The following SEPTIN14 variants were observed in gnomAD, a reference collection of about 807,000 sequenced individuals.
The protein encoded by SEPTIN14 is septin 14, also known as septin-14.
A neutral mutation model predicts 53.6 loss-of-function variants in SEPTIN14; 40 were observed. The observed-to-expected ratio is 0.75, with a 90% confidence interval of 0.58 to 0.97. The LOEUF (loss-of-function observed/expected upper bound fraction) is 0.97, where lower values mean the gene tolerates loss of function less well. Among genes scored for constraint, SEPTIN14 ranks in the 50% least tolerant of loss-of-function variants. The probability of loss-of-function intolerance (pLI) is 0.00; values close to 1 mark genes in which losing one functional copy is unlikely to be tolerated. For synonymous variants in SEPTIN14, 138 were observed against 166.8 expected, an observed-to-expected ratio of 0.83 and a Z score of 1.33; for missense variants, 471 against 508.2, an observed-to-expected ratio of 0.93 and a Z score of 0.70.
chr7:55,803,277 T>C (rs2061665844), intron 9 of SEPTIN14, among the ~76,000 whole-genome samples: 2 of 151,974 alleles, frequency 1.3e-5, no homozygotes, highest in African/African-American at 4.8e-5. Flanking sequence ...AAAAGGCAAA[T>C]AGGGATATGA....
intron 9 of SEPTIN14, chr7:55,798,488 G>T: frequency 3.4e-6 from 1 of 295,830 alleles, no homozygotes; most frequent in South Asian, 3.3e-5. Context: ...CATGTCTCCT[G>T]ACACCCAGTT....
chr7:55,831,309 G>A (rs1789106092), intron 6 of SEPTIN14, among the ~76,000 whole-genome samples: 1 of 152,234 alleles, frequency 6.6e-6, no homozygotes. Context: ...TAAAGAACCA[G>A]TAATAAAATC....
chr7:55,802,271 C>T (rs1788534374), intron 9 of SEPTIN14, among the ~76,000 whole-genome samples: 1 of 152,174 alleles, frequency 6.6e-6, no homozygotes, highest in Non-Finnish European at 1.5e-5. Flanking sequence ...TCCCAGAGTG[C>T]TGGGATTACA....
At chr7:55,830,957 G>A (rs1260028196) in intron 6 of SEPTIN14, among the ~76,000 whole-genome samples, 2 of 151,994 alleles carry the variant, frequency 1.3e-5, no homozygotes, top group Non-Finnish European at 2.9e-5. Flanking sequence ...TGGATTGGAA[G>A]AATCAACATC....
At chr7:55,833,577 A>C (rs1470734935) in intron 6 of SEPTIN14, among the ~76,000 whole-genome samples, 2 of 151,586 alleles carry the variant, frequency 1.3e-5, no homozygotes, top group East Asian at 3.9e-4. Flanking sequence ...GTGTGGTGGC[A>C]TGCTCCTGTA....
At chr7:55,831,703 T>C (rs1789110891) in intron 6 of SEPTIN14, among the ~76,000 whole-genome samples, 1 of 152,040 alleles carries the variant, frequency 6.6e-6, no homozygotes, top group African/African-American at 2.4e-5. Flanking sequence ...AACAAAATAT[T>C]TGCAAACTTT....
intron 2 of SEPTIN14, among the ~76,000 whole-genome samples, chr7:55,847,665 G>T (rs944454225): frequency 1.3e-5 from 2 of 152,158 alleles, no homozygotes; most frequent in African/African-American, 4.8e-5. Flanking sequence ...TTGAATGATT[G>T]TAAGCTGGAG....
At chr7:55,801,167 A>T (rs539746792) in intron 9 of SEPTIN14, among the ~76,000 whole-genome samples, 27 of 152,208 alleles carry the variant, frequency 1.8e-4, no homozygotes, top group African/African-American at 6.5e-4. Flanking sequence ...CCAAGCGCAA[A>T]GTCAGTAAAA....
chr7:55,796,815 G>A lies in SEPTIN14; in HGVS notation c.1120-723C>T, dbSNP rs1788439277. On this transcript the variant is annotated intron_variant, in intron 9 of 9. Coordinates refer to ENST00000388975, the MANE Select transcript of SEPTIN14 (RefSeq NM_207366.3). ...TGAAATTATCCAGTGAGAGGACAAAGAAAAAAAGAATAAAAAAGAGAAAAG... is the reference window on the plus strand; with the variant it reads ...TGAAATTATCCAGTGAGAGGACAAAAAAAAAAAGAATAAAAAAGAGAAAAG... Among the ~76,000 whole-genome samples, 4 of 151,858 alleles carry A rather than the reference G, an allele frequency of 2.6e-5. No homozygotes were observed. The South Asian group carries it at 8.3e-4, about 32-fold the overall frequency.
intron 2 of SEPTIN14, among the ~76,000 whole-genome samples, chr7:55,861,611 GCATA>G (rs1210289144): frequency 6.6e-6 from 1 of 152,016 alleles, no homozygotes; most frequent in Non-Finnish European, 1.5e-5. Context: ...TATTGTCAGT[GCATA>G]CATTCTGCAA....
At chr7:55,810,427 T>C (rs1412094023) in intron 7 of SEPTIN14, among the ~76,000 whole-genome samples, 1 of 151,858 alleles carries the variant, frequency 6.6e-6, no homozygotes, top group Middle Eastern at 3.2e-3. Flanking sequence ...TGTATCTTTA[T>C]GCTATTAAAT....
intron 6 of SEPTIN14, 31 bp downstream of exon 6, chr7:55,834,394 C>G: frequency 6.4e-7 from 1 of 1,555,142 alleles, no homozygotes; most frequent in Non-Finnish European, 8.7e-7. Flanking sequence ...TCATTTCTAG[C>G]CTCTTTGTCA....
At chr7:55,810,899 G>T in intron 7 of SEPTIN14, 1 of 351,102 alleles carries the variant, frequency 2.8e-6, no homozygotes, top group Non-Finnish European at 5.6e-6. Context: ...CATCCAATAA[G>T]CCCAAAACTA....
chr7:55,847,982 C>T (rs1183743335), intron 2 of SEPTIN14, among the ~76,000 whole-genome samples: 2 of 152,136 alleles, frequency 1.3e-5, no homozygotes, highest in Non-Finnish European at 2.9e-5. Flanking sequence ...AATGACAGCT[C>T]AGCATACTTC....
intron 7 of SEPTIN14, among the ~76,000 whole-genome samples, chr7:55,809,023 T>C (rs1183136042): frequency 1.3e-5 from 2 of 152,018 alleles, no homozygotes; most frequent in Non-Finnish European, 2.9e-5. Flanking sequence ...TAAATGCCCA[T>C]CAATGGTAGA....
intron 2 of SEPTIN14, among the ~76,000 whole-genome samples, chr7:55,853,568 C>T (rs1005927311): frequency 6.6e-6 from 1 of 151,942 alleles, no homozygotes; most frequent in Admixed American, 6.6e-5. Context: ...TTAATGGGTA[C>T]AAGGATATAG....
intron 9 of SEPTIN14, among the ~76,000 whole-genome samples, chr7:55,799,378 C>A (rs1184392399): frequency 6.6e-6 from 1 of 150,618 alleles, no homozygotes; most frequent in East Asian, 1.9e-4. Context: ...ATTAGCCACG[C>A]CTTGTAGTGG....
intron 2 of SEPTIN14, among the ~76,000 whole-genome samples, chr7:55,848,382 G>A (rs1300277899): frequency 2.0e-5 from 3 of 151,972 alleles, no homozygotes; most frequent in African/African-American, 2.4e-5. Flanking sequence ...GGCTGGTCTC[G>A]AACTCCTGAC....
chr7:55,825,899 G>A (rs188194370), intron 6 of SEPTIN14, among the ~76,000 whole-genome samples: 15 of 152,076 alleles, frequency 9.9e-5, no homozygotes, highest in East Asian at 5.8e-4. Context: ...TCAGGAGATC[G>A]AGACCATCCT....
Sources: gnomAD v4.1 joint callset for allele counts (sites outside exome capture counted in the v4.1 genomes callset) on GRCh38, gnomAD v4.1.1 for gene constraint, MANE v1.5 for transcripts, NCBI Gene and HGNC (gene_info 2026-07-23, HGNC 2026-07-21) for gene names.